The following GIGYF2 variants were observed in gnomAD, a reference collection of about 807,000 sequenced individuals.
GIGYF2 encodes GRB10 interacting GYF protein 2, also known as GRB10-interacting GYF protein 2.
A neutral mutation model predicts 208.1 loss-of-function variants in GIGYF2; 25 were observed. The ratio of observed to expected loss-of-function variants is 0.12; its 90% CI spans 0.09 to 0.17. The LOEUF is 0.17. Among genes scored for constraint, GIGYF2 ranks in the 10% least tolerant of loss-of-function variants. The pLI, the probability that GIGYF2 is intolerant of heterozygous loss-of-function variation, is 1.00. For synonymous variants in GIGYF2, 534 were observed against 543.8 expected (o/e 0.98, Z 0.25); for missense variants, 1,302 against 1,579.4 (o/e 0.82, Z 2.98).
chr2:232,827,214 T>TTTTTTTTTTTTTTTTTTTGAGACGG (rs1466147543), intron 21 of GIGYF2, among the ~76,000 whole-genome samples: 1 of 152,144 alleles, frequency 6.6e-6, no homozygotes, highest in Non-Finnish European at 1.5e-5. Flanking sequence ...CATTGTTTTT[T>TTTTTTTTTTTTTTTTTTTGAGACGG]AAGACATAAT....
chr2:232,854,634 A>G (rs773269522), intron 28 of GIGYF2, among the ~76,000 whole-genome samples: 15 of 152,120 alleles, frequency 9.9e-5, no homozygotes, highest in Non-Finnish European at 1.5e-4. Flanking sequence ...GCCTCTCCCT[A>G]TATTTGGTCT....
At chr2:232,808,879 G>A (rs1700638068) in intron 15 of GIGYF2, among the ~76,000 whole-genome samples, 1 of 152,042 alleles carries the variant, frequency 6.6e-6, no homozygotes, top group South Asian at 2.1e-4. Flanking sequence ...AACAGAAACA[G>A]TTTATTTTGG....
Position 232,784,386 on chromosome 2 carries a change from C to CTTTTTTTTTTTTTT in GIGYF2, c.533-2756_533-2743dup, listed in dbSNP as rs10645449. On this transcript the variant is annotated intron_variant, in intron 8 of 28. Coordinates refer to ENST00000373563, the MANE Select transcript of GIGYF2 (RefSeq NM_001103146.3). ...TCTAGCTACTTACACGAAATAATTT[C>CTTTTTTTTTTTTTT]TTTTTTTTTTTTTTTTTTTTTGAGA... Among the ~76,000 whole-genome samples, 87 of 92,306 alleles carry CTTTTTTTTTTTTTT rather than the reference C, an allele frequency of 9.4e-4. 7 individuals carry two copies. The highest frequency in any genetic ancestry group is 1.4e-3 in the Non-Finnish European group (70 of 49,044). 60.6% of individuals were successfully genotyped at this position (92,306 alleles called of 152,430 possible).
intron 2 of GIGYF2, among the ~76,000 whole-genome samples, chr2:232,728,923 G>T (rs1009544459): frequency 4.6e-5 from 7 of 151,566 alleles, no homozygotes; most frequent in Admixed American, 3.9e-4. Context: ...TAAACTCAGA[G>T]ACCTTTCCTT....
chr2:232,744,371 G>T, intron 3 of GIGYF2, among the ~76,000 whole-genome samples: 1 of 152,156 alleles, frequency 6.6e-6, no homozygotes, highest in Admixed American at 6.5e-5. Context: ...AGAGTGCTTA[G>T]ATGTGTACTC....
chr2:232,801,889 T>C (rs902670669), intron 14 of GIGYF2, among the ~76,000 whole-genome samples: 1 of 152,230 alleles, frequency 6.6e-6, no homozygotes, highest in Non-Finnish European at 1.5e-5. Context: ...GTAACAATGT[T>C]AAATCTTCCA....
intron 2 of GIGYF2, among the ~76,000 whole-genome samples, chr2:232,716,140 T>G (rs920184094): frequency 6.6e-5 from 10 of 152,276 alleles, no homozygotes; most frequent in African/African-American, 2.4e-4. Context: ...ATGTGCCACT[T>G]TTACAAGATT....
intron 2 of GIGYF2, among the ~76,000 whole-genome samples, chr2:232,720,713 G>A (rs1171983504): frequency 2.0e-5 from 3 of 152,144 alleles, no homozygotes; most frequent in East Asian, 3.9e-4. Context: ...TCCTGCCTCA[G>A]CCTCCTGAAT....
At chr2:232,792,188 T>G (rs1700088757) in intron 12 of GIGYF2, among the ~76,000 whole-genome samples, 1 of 152,204 alleles carries the variant, frequency 6.6e-6, no homozygotes, top group African/African-American at 2.4e-5. Context: ...TCCTGAACTG[T>G]CTCCTGTTTT....
In GIGYF2 at chr2:232,857,114, A is replaced by G. The variant is rs2106439347; in HGVS notation, c.*254A>G. On this transcript the variant is annotated 3_prime_UTR_variant, in exon 29 of 29. Transcript: ENST00000373563. ...GTGGCAGTTGGGATTACTCCCCAACAAGGCTGATTTTAGGCAGCATGTGTT... is the reference window on the plus strand; with the variant it reads ...GTGGCAGTTGGGATTACTCCCCAACGAGGCTGATTTTAGGCAGCATGTGTT... 7.2e-6 allele frequency: 4 copies of G among 558,594 alleles called. No individual in the cohort carries two copies. Among genetic ancestry groups the G allele is most frequent in the African/African-American group, 5.6e-5 (3 of 53,108 alleles). The allele number at this position is 558,594 out of a possible 1,614,324, so 34.6% of individuals were successfully genotyped here.
At chr2:232,832,782 C>A in intron 21 of GIGYF2, 75 bp from the exon 22 acceptor site, 1 of 1,106,198 alleles carries the variant, frequency 9.0e-7, no homozygotes, top group Non-Finnish European at 1.3e-6. Context: ...TTGACAGAAG[C>A]TTTCAAAAGT....
intron 6 of GIGYF2, among the ~76,000 whole-genome samples, chr2:232,757,502 A>T (rs1276935832): frequency 6.6e-6 from 1 of 152,058 alleles, no homozygotes; most frequent in Non-Finnish European, 1.5e-5. Context: ...ACACCGAGTT[A>T]GGTTCCATTG....
intron 5 of GIGYF2, among the ~76,000 whole-genome samples, chr2:232,749,778 A>G (rs904498157): frequency 2.6e-5 from 4 of 152,182 alleles, no homozygotes; most frequent in African/African-American, 9.7e-5. Flanking sequence ...TCTTAAGGAA[A>G]AGGTAAAGCA....
intron 14 of GIGYF2, among the ~76,000 whole-genome samples, chr2:232,800,176 G>A (rs879472262): frequency 6.6e-6 from 1 of 150,872 alleles, no homozygotes; most frequent in Admixed American, 6.6e-5. Flanking sequence ...TATGCCTTTG[G>A]TGTCATATCC....
intron 9 of GIGYF2, among the ~76,000 whole-genome samples, chr2:232,789,144 T>A (rs912854940): frequency 6.6e-6 from 1 of 152,186 alleles, no homozygotes; most frequent in Non-Finnish European, 1.5e-5. Flanking sequence ...GCAGTCAGCC[T>A]TAATAAGTAC....
Position 232,791,465 on chromosome 2 carries a change from A to G in GIGYF2, c.1282+19A>G. On this transcript the variant is annotated intron_variant, in intron 12 of 28. Transcript: ENST00000373563. Reference sequence around the variant, plus strand: ...GGGGATGGTATGTATTTGTGGGAATAGACAAGCTAAAATAGGATTCTGCTG... The same window carrying G: ...GGGGATGGTATGTATTTGTGGGAATGGACAAGCTAAAATAGGATTCTGCTG... The G allele has an allele frequency of 6.2e-7, 1 of 1,605,194 alleles. No homozygotes were observed.
At chr2:232,776,043 C>T (rs1164758290) in intron 8 of GIGYF2, among the ~76,000 whole-genome samples, 1 of 152,064 alleles carries the variant, frequency 6.6e-6, no homozygotes, top group African/African-American at 2.4e-5. Context: ...TCTTAGATTA[C>T]AGAAGTAAAA....
At chr2:232,759,898 A>T (rs1698681930) in intron 6 of GIGYF2, among the ~76,000 whole-genome samples, 1 of 152,096 alleles carries the variant, frequency 6.6e-6, no homozygotes, top group Admixed American at 6.6e-5. Flanking sequence ...TTTAGTCCTG[A>T]TACATTTCTT....
At chr2:232,841,132 C>T (rs1416577232) in intron 23 of GIGYF2, among the ~76,000 whole-genome samples, 2 of 150,848 alleles carry the variant, frequency 1.3e-5, no homozygotes, top group African/African-American at 4.9e-5. Context: ...AGGTTATCAA[C>T]AAATGGATGC....
Sources: allele counts gnomAD v4.1 joint callset (sites outside exome capture counted in the v4.1 genomes callset), GRCh38; gene constraint gnomAD v4.1.1; transcripts MANE v1.5; gene names NCBI Gene and HGNC (gene_info 2026-07-23, HGNC 2026-07-21).